PDE4B: variants seen among roughly 807,000 people sequenced by gnomAD.
PDE4B encodes 3',5'-cyclic-AMP phosphodiesterase 4B.
PDE4B carries 20 observed loss-of-function variants against 82.2 expected under a neutral mutation model. That is an observed-to-expected ratio of 0.24 (90% CI 0.17 to 0.35). The LOEUF (loss-of-function observed/expected upper bound fraction) is 0.35, where lower values mean the gene tolerates loss of function less well. Among genes scored for constraint, PDE4B ranks in the 10% least tolerant of loss-of-function variants. The pLI is 1.00. For missense variants in PDE4B, 655 were observed against 907.2 expected, an observed-to-expected ratio of 0.72 and a Z score of 3.57; for synonymous variants, 320 against 318.9, an observed-to-expected ratio of 1.00 and a Z score of -0.04.
rs952042223 is a variant in PDE4B, at chr1:66,374,174, C to G, written c.*1496C>G. 4 of 152,586 alleles carry G rather than the reference C, an allele frequency of 2.6e-5. No homozygotes were observed. Among genetic ancestry groups the G allele is most frequent in the African/African-American group, 2.4e-5 (1 of 41,426 alleles). The allele number at this position is 152,586 out of a possible 1,614,324, so 9.5% of individuals were successfully genotyped here. ...CGAACTACTGACTTTGAAGAGGTAG[C>G]CTCCTGCCTGCCATTAAGCAGGAAT... is the stretch of plus-strand genomic sequence containing the variant. On this transcript the variant is annotated 3_prime_UTR_variant, in exon 17 of 17. Coordinates refer to ENST00000341517, the MANE Select transcript of PDE4B (RefSeq NM_002600.4).
chr1:66,330,884 C>G, intron 7 of PDE4B: 1 of 634,326 alleles, frequency 1.6e-6, no homozygotes, highest in South Asian at 7.0e-5. Context: ...AAAAACACCT[C>G]AATTCTTGTC....
intron 3 of PDE4B, among the ~76,000 whole-genome samples, chr1:66,208,067 T>G (rs999957204): frequency 6.6e-6 from 1 of 152,208 alleles, no homozygotes; most frequent in Non-Finnish European, 1.5e-5. Flanking sequence ...CATGGTATAT[T>G]TTTCCACTGC....
intron 1 of PDE4B, among the ~76,000 whole-genome samples, chr1:65,863,867 C>T (rs118186565): frequency 0.023 from 3,444 of 152,212 alleles, 98 homozygotes; most frequent in East Asian, 0.08. Context: ...AAATATTCCT[C>T]CTTCTCTTTA....
intron 10 of PDE4B, among the ~76,000 whole-genome samples, chr1:66,362,272 C>T (rs148055059): frequency 6.6e-6 from 1 of 152,180 alleles, no homozygotes; most frequent in Non-Finnish European, 1.5e-5. Flanking sequence ...CTGCACTAAT[C>T]TGTAGTGCTG....
chr1:66,025,590 C>A (rs867651251), intron 3 of PDE4B, among the ~76,000 whole-genome samples: 6 of 152,150 alleles, frequency 3.9e-5, no homozygotes, highest in African/African-American at 1.4e-4. Context: ...ATTACCACAC[C>A]ACAGGTTTAG....
chr1:66,336,834 T>C, intron 8 of PDE4B, among the ~76,000 whole-genome samples: 1 of 152,188 alleles, frequency 6.6e-6, no homozygotes, highest in East Asian at 1.9e-4. Context: ...GGTGCAGCCA[T>C]ACTACAGTAC....
intron 3 of PDE4B, among the ~76,000 whole-genome samples, chr1:65,919,353 T>C (rs1481620228): frequency 6.6e-6 from 1 of 152,238 alleles, no homozygotes; most frequent in Non-Finnish European, 1.5e-5. Context: ...ATGCTGGCAC[T>C]GTTGTGCAGA....
chr1:66,009,957 T>TATC (rs749953395), intron 3 of PDE4B, among the ~76,000 whole-genome samples: 9,848 of 140,508 alleles, frequency 0.07, 686 homozygotes, highest in African/African-American at 0.2. Flanking sequence ...ATCTATCATC[T>TATC]ATCTATCTAA....
chr1:65,973,152 A>G (rs1650233297), intron 3 of PDE4B, among the ~76,000 whole-genome samples: 1 of 152,174 alleles, frequency 6.6e-6, no homozygotes, highest in Admixed American at 6.6e-5. Flanking sequence ...ATTATTCCTT[A>G]AAGTGGTCCC....
Position 66,372,766 on chromosome 1 carries a change from C to T in PDE4B, c.*88C>T. On this transcript the variant is annotated 3_prime_UTR_variant, in exon 17 of 17. Transcript: ENST00000341517. ...GCCAGCCCACCATGGGGGCCAAGACCTGCACAGGACAAGGGCCACCTGGCC... is the reference window on the plus strand; with the variant it reads ...GCCAGCCCACCATGGGGGCCAAGACTTGCACAGGACAAGGGCCACCTGGCC... The T allele has an allele frequency of 7.2e-7, 1 of 1,393,684 alleles. No homozygotes were observed. The highest frequency in any genetic ancestry group is 9.8e-7 in the Non-Finnish European group (1 of 1,020,166). 86.3% of individuals were successfully genotyped at this position (1,393,684 alleles called of 1,614,324 possible).
chr1:66,077,812 T>G (rs1451271658), intron 3 of PDE4B, among the ~76,000 whole-genome samples: 1 of 152,158 alleles, frequency 6.6e-6, no homozygotes, highest in Non-Finnish European at 1.5e-5. Context: ...TTGTGTGATC[T>G]TGGTCAAATA....
intron 1 of PDE4B, among the ~76,000 whole-genome samples, chr1:65,801,654 A>G (rs1213241514): frequency 6.6e-6 from 1 of 152,212 alleles, no homozygotes; most frequent in Non-Finnish European, 1.5e-5. Flanking sequence ...ATTTTATTCA[A>G]TGGGTAAAAT....
At chr1:66,301,772 G>C (rs539237691) in intron 7 of PDE4B, among the ~76,000 whole-genome samples, 2 of 152,108 alleles carry the variant, frequency 1.3e-5, no homozygotes, top group Non-Finnish European at 2.9e-5. Context: ...TAATTGAGTT[G>C]CTTTCCCAAA....
chr1:66,303,535 A>G (rs1658059535), intron 7 of PDE4B, among the ~76,000 whole-genome samples: 1 of 152,098 alleles, frequency 6.6e-6, no homozygotes, highest in South Asian at 2.1e-4. Context: ...ATAGATTTCC[A>G]TAGCTTATTC....
At chr1:66,132,455 C>T (rs776668694) in intron 3 of PDE4B, among the ~76,000 whole-genome samples, 6 of 152,190 alleles carry the variant, frequency 3.9e-5, no homozygotes, top group Admixed American at 6.5e-5. Flanking sequence ...ACACAGTGTT[C>T]GTGCTCCGTA....
chr1:65,901,875 T>C (rs968981228), intron 1 of PDE4B, among the ~76,000 whole-genome samples: 1 of 152,228 alleles, frequency 6.6e-6, no homozygotes, highest in Middle Eastern at 3.4e-3. Context: ...TCCCTCTAGG[T>C]GTCATCTTAG....
intron 1 of PDE4B, among the ~76,000 whole-genome samples, chr1:65,900,206 T>C (rs896820724): frequency 1.3e-5 from 2 of 152,116 alleles, no homozygotes; most frequent in South Asian, 2.1e-4. Flanking sequence ...GCACCACTTA[T>C]TGAATAGGGA....
At chr1:65,802,222 C>T (rs1025124761) in intron 1 of PDE4B, among the ~76,000 whole-genome samples, 3 of 151,958 alleles carry the variant, frequency 2.0e-5, no homozygotes, top group Non-Finnish European at 2.9e-5. Flanking sequence ...TCTTAATAAC[C>T]GAGGAAACTA....
intron 3 of PDE4B, among the ~76,000 whole-genome samples, chr1:66,172,924 C>T (rs1646864716): frequency 6.6e-6 from 1 of 152,120 alleles, no homozygotes; most frequent in Admixed American, 6.5e-5. Flanking sequence ...GTACTTAGTA[C>T]TTTCTATGTA....
Sources: gnomAD v4.1 joint callset for allele counts (sites outside exome capture counted in the v4.1 genomes callset) on GRCh38, gnomAD v4.1.1 for gene constraint, MANE v1.5 for transcripts, NCBI Gene and HGNC (gene_info 2026-07-23, HGNC 2026-07-21) for gene names.